The following LPAR6 variants were observed in gnomAD, a reference collection of about 807,000 sequenced individuals.
LPAR6 encodes the protein G-protein coupled purinergic receptor P2Y5.
A neutral mutation model predicts 22.0 loss-of-function variants in LPAR6; 17 were observed. The observed-to-expected ratio is 0.77, with a 90% CI of 0.53 to 1.16. The LOEUF is 1.16. Among genes scored for constraint, LPAR6 ranks in the 50% most tolerant of loss-of-function variants. LPAR6 has a pLI of 0.00. For synonymous variants in LPAR6, 136 were observed against 139.8 expected (o/e 0.97, Z 0.19); for missense variants, 384 against 406.9 (o/e 0.94, Z 0.48).
intron 1 of LPAR6, among the ~76,000 whole-genome samples, chr13:48,440,133 A>G (rs182892782): frequency 6.6e-6 from 1 of 152,238 alleles, no homozygotes; most frequent in East Asian, 1.9e-4. Flanking sequence ...TTGGGAGTAA[A>G]AGGGAAACCT....
chr13:48,433,559 G>A (rs1454144662), intron 1 of LPAR6, among the ~76,000 whole-genome samples: 4 of 151,998 alleles, frequency 2.6e-5, no homozygotes, highest in Non-Finnish European at 4.4e-5. Flanking sequence ...ATGCCACATA[G>A]GATAGACTGT....
chr13:48,441,428 G>A (rs1949235757), intron 1 of LPAR6, among the ~76,000 whole-genome samples: 1 of 152,140 alleles, frequency 6.6e-6, no homozygotes, highest in African/African-American at 2.4e-5. Flanking sequence ...TATAGAAGTA[G>A]TAACATGTGC....
intron 1 of LPAR6, among the ~76,000 whole-genome samples, chr13:48,404,732 G>A (rs1444016781): frequency 6.6e-6 from 1 of 151,940 alleles, no homozygotes; most frequent in East Asian, 1.9e-4. Context: ...TCACCATGTT[G>A]GTTAGCCTGA....
downstream of LPAR6, among the ~76,000 whole-genome samples, chr13:48,410,024 A>G (rs1294903315): frequency 6.6e-6 from 1 of 152,172 alleles, no homozygotes; most frequent in East Asian, 1.9e-4. Context: ...TTGGCCTTGT[A>G]GTTTTGTTAC....
chr13:48,434,687 A>G (rs1174997619), intron 1 of LPAR6, among the ~76,000 whole-genome samples: 3 of 151,954 alleles, frequency 2.0e-5, no homozygotes, highest in Non-Finnish European at 4.4e-5. Context: ...GTGTAGGTCC[A>G]TGTATCCACC....
chr13:48,392,376 G>T (rs1566203264), intron 1 of LPAR6, among the ~76,000 whole-genome samples: 1 of 152,180 alleles, frequency 6.6e-6, no homozygotes, highest in Non-Finnish European at 1.5e-5. Context: ...TTCCCAAAGT[G>T]CTGGGATTAC....
chr13:48,418,908 A>G (rs1209990142), intron 2 of LPAR6, among the ~76,000 whole-genome samples: 1 of 152,084 alleles, frequency 6.6e-6, no homozygotes, highest in Non-Finnish European at 1.5e-5. Context: ...GAGACCTACA[A>G]AGAGACTTAG....
rs538418407 is a variant in LPAR6, at chr13:48,394,920, G to A, written n.115-5108C>T. On this transcript the variant is annotated intron_variant and non_coding_transcript_variant, in intron 1 of 1. Coordinates refer to the LPAR6 transcript ENST00000462781. ...GCTAAGGGACAGACTGTCTCCTCAAGTGGGTCCCTGACCCCTGTGCCTCCT... is the reference window on the plus strand; with the variant it reads ...GCTAAGGGACAGACTGTCTCCTCAAATGGGTCCCTGACCCCTGTGCCTCCT... Among the ~76,000 whole-genome samples, 7 of 152,356 alleles carry A rather than the reference G, an allele frequency of 4.6e-5. No individual in the cohort carries two copies. The South Asian group carries it at 1.2e-3, about 27-fold the overall frequency.
At chr13:48,402,099 C>T (rs931416959) in intron 1 of LPAR6, among the ~76,000 whole-genome samples, 3 of 151,988 alleles carry the variant, frequency 2.0e-5, no homozygotes, top group Non-Finnish European at 4.4e-5. Flanking sequence ...AATTACTTGT[C>T]TTTTACATGA....
At chr13:48,437,679 A>G (rs1422010513) in intron 1 of LPAR6, among the ~76,000 whole-genome samples, 1 of 152,156 alleles carries the variant, frequency 6.6e-6, no homozygotes, top group Non-Finnish European at 1.5e-5. Flanking sequence ...GGGCTACTCC[A>G]TAGCAGCTCC....
chr13:48,429,171 C>T (rs113594914), upstream of LPAR6: 6 of 152,188 alleles, frequency 3.9e-5, no homozygotes, highest in East Asian at 3.9e-4. Context: ...AAACCAAGTT[C>T]GGTGCTTTGA....
intron 1 of LPAR6, among the ~76,000 whole-genome samples, chr13:48,399,221 TG>T (rs1171851287): frequency 1.3e-5 from 2 of 152,032 alleles, no homozygotes; most frequent in African/African-American, 4.8e-5. Context: ...CTGAGGTTTT[TG>T]TTGTTGTTTT....
At chr13:48,421,644 C>A (rs1375746470) in intron 2 of LPAR6, among the ~76,000 whole-genome samples, 1 of 152,110 alleles carries the variant, frequency 6.6e-6, no homozygotes, top group East Asian at 1.9e-4. Flanking sequence ...AGTCCAGAAT[C>A]TACAAGGAAC....
chr13:48,426,827 G>T (rs982951654), intron 1 of LPAR6: 4 of 152,186 alleles, frequency 2.6e-5, no homozygotes, highest in Non-Finnish European at 4.4e-5. Flanking sequence ...TGGGTAATTT[G>T]TAAAGAAAAG....
intron 1 of LPAR6, among the ~76,000 whole-genome samples, chr13:48,403,474 C>T (rs1302583504): frequency 6.6e-6 from 1 of 151,786 alleles, no homozygotes; most frequent in Non-Finnish European, 1.5e-5. Context: ...ATTGTGGATA[C>T]AATAAAGTAG....
chr13:48,397,700 G>A (rs1948659714), intron 1 of LPAR6, among the ~76,000 whole-genome samples: 1 of 151,990 alleles, frequency 6.6e-6, no homozygotes, highest in South Asian at 2.1e-4. Context: ...AATTTAAATC[G>A]AGGGTCATTT....
In LPAR6 at chr13:48,443,480, A is replaced by C. The variant is rs142368330; in HGVS notation, c.-1474+1073T>G. 6.3e-3 allele frequency among the ~76,000 whole-genome samples: 959 copies of C among 152,326 alleles called. 11 individuals are homozygous for C. The highest frequency in any genetic ancestry group is 0.022 in the African/African-American group (912 of 41,596). ...AAGTCACAGTTTACTAAAATAGCTA[A>C]GTTTTCTGATTCATAAAATGAATAA... On this transcript the variant is annotated intron_variant, in intron 1 of 6. Coordinates refer to the LPAR6 transcript ENST00000378434.
intron 1 of LPAR6, chr13:48,424,189 G>T (rs1214039788): frequency 6.6e-6 from 1 of 152,470 alleles, no homozygotes; most frequent in Non-Finnish European, 1.5e-5. Context: ...TATGTTGACA[G>T]AATATATTTA....
chr13:48,401,762 C>T (rs949413974), intron 1 of LPAR6, among the ~76,000 whole-genome samples: 1 of 152,120 alleles, frequency 6.6e-6, no homozygotes, highest in Non-Finnish European at 1.5e-5. Context: ...GAATAGGAAA[C>T]AGCTGGATTT....
Sources: allele counts gnomAD v4.1 joint callset (sites outside exome capture counted in the v4.1 genomes callset), GRCh38; gene constraint gnomAD v4.1.1; transcripts MANE v1.5; gene names NCBI Gene and HGNC (gene_info 2026-07-23, HGNC 2026-07-21).